CNTN4: variants seen among roughly 807,000 people sequenced by gnomAD.
CNTN4 encodes the protein contactin 4, also known as contactin-4.
In CNTN4, 77 loss-of-function variants were observed where a neutral mutation model predicts 122.5. The ratio of observed to expected loss-of-function variants is 0.63; its 90% confidence interval spans 0.52 to 0.76. The LOEUF (loss-of-function observed/expected upper bound fraction) is 0.76. Among genes scored for constraint, CNTN4 ranks in the 30% least tolerant of loss-of-function variants. The probability of loss-of-function intolerance (pLI) is 0.00; values close to 1 mark genes in which losing one functional copy is unlikely to be tolerated. For missense variants in CNTN4, 1,256 were observed against 1,259.1 expected (o/e 1.00, Z 0.04); for synonymous variants, 512 against 447.0 (o/e 1.15, Z -1.83).
At chr3:2,360,412 C>G (rs2045079450) in intron 3 of CNTN4, among the ~76,000 whole-genome samples, 1 of 152,052 alleles carries the variant, frequency 6.6e-6, no homozygotes, top group Non-Finnish European at 1.5e-5. Flanking sequence ...ACTGGAAATA[C>G]TGAAAAAATA....
chr3:2,657,879 A>G (rs2083668469), intron 4 of CNTN4, among the ~76,000 whole-genome samples: 1 of 151,544 alleles, frequency 6.6e-6, no homozygotes, highest in Non-Finnish European at 1.5e-5. Flanking sequence ...CATCAGCCAC[A>G]CTGTACCTTC....
intron 6 of CNTN4, among the ~76,000 whole-genome samples, chr3:2,777,644 A>G (rs1041354699): frequency 2.0e-5 from 3 of 152,182 alleles, no homozygotes; most frequent in African/African-American, 7.2e-5. Flanking sequence ...ATGTAACAAG[A>G]AAAATGGAGT....
chr3:3,034,282 A>G (rs533121575), intron 16 of CNTN4, among the ~76,000 whole-genome samples: 19 of 152,322 alleles, frequency 1.2e-4, no homozygotes, highest in African/African-American at 4.3e-4. Flanking sequence ...TGTCTGACCC[A>G]TATTAGGAAC....
intron 10 of CNTN4, among the ~76,000 whole-genome samples, chr3:2,890,142 G>T (rs778629209): frequency 6.6e-6 from 1 of 152,166 alleles, no homozygotes; most frequent in Non-Finnish European, 1.5e-5. Context: ...CTTGGCTATT[G>T]CATTTATGTT....
At chr3:2,240,411 A>C (rs1034161092) in intron 2 of CNTN4, among the ~76,000 whole-genome samples, 2 of 152,066 alleles carry the variant, frequency 1.3e-5, no homozygotes, top group Non-Finnish European at 2.9e-5. Flanking sequence ...TATTATTTTA[A>C]GCTCGTTTTT....
At chr3:2,238,686 G>A (rs1335571657) in intron 2 of CNTN4, 1 of 148,178 alleles carries the variant, frequency 6.7e-6, no homozygotes, top group Non-Finnish European at 1.5e-5. Flanking sequence ...ACTTACTCCT[G>A]TAAAAATGAT....
chr3:2,166,927 AAATT>A (rs1319877201), intron 2 of CNTN4, among the ~76,000 whole-genome samples: 1 of 152,208 alleles, frequency 6.6e-6, no homozygotes, highest in African/African-American at 2.4e-5. Context: ...AGTAGAGTAA[AAATT>A]TGGAAGAAAG....
intron 3 of CNTN4, among the ~76,000 whole-genome samples, chr3:2,380,537 TG>T (rs1201697237): frequency 6.6e-6 from 1 of 152,222 alleles, no homozygotes; most frequent in Non-Finnish European, 1.5e-5. Context: ...AAATTTTAAT[TG>T]GTTTATCTGA....
intron 2 of CNTN4, among the ~76,000 whole-genome samples, chr3:2,118,061 A>G (rs934043660): frequency 6.6e-6 from 1 of 152,272 alleles, no homozygotes; most frequent in Non-Finnish European, 1.5e-5. Flanking sequence ...AATTTTAATC[A>G]TAATGAGTAA....
At chr3:2,741,161 A>G (rs2089437046) in intron 5 of CNTN4, among the ~76,000 whole-genome samples, 1 of 152,210 alleles carries the variant, frequency 6.6e-6, no homozygotes, top group South Asian at 2.1e-4. Context: ...TCAAAGATTA[A>G]TCAACTCTAC....
intron 13 of CNTN4, among the ~76,000 whole-genome samples, chr3:2,961,092 T>A (rs1272354183): frequency 7.0e-6 from 1 of 142,484 alleles, no homozygotes; most frequent in Non-Finnish European, 1.5e-5. Context: ...TAGCCGGGCG[T>A]GGTGATGGGC....
chr3:2,675,659 C>G (rs1489622057), intron 4 of CNTN4, among the ~76,000 whole-genome samples: 1 of 152,166 alleles, frequency 6.6e-6, no homozygotes, highest in Non-Finnish European at 1.5e-5. Context: ...AGTAAGTACA[C>G]ATTGAATGGG....
chr3:2,113,470 AT>A (rs1171916755), intron 2 of CNTN4, among the ~76,000 whole-genome samples: 1 of 152,196 alleles, frequency 6.6e-6, no homozygotes, highest in Non-Finnish European at 1.5e-5. Context: ...GATGCACTGT[AT>A]CAGAATTTTC....
intron 3 of CNTN4, among the ~76,000 whole-genome samples, chr3:2,571,141 C>T: frequency 6.6e-6 from 1 of 152,134 alleles, no homozygotes; most frequent in Non-Finnish European, 1.5e-5. Context: ...ATTCCCCTGC[C>T]TTCAGGTTGG....
intron 3 of CNTN4, among the ~76,000 whole-genome samples, chr3:2,377,775 AT>A (rs113134614): frequency 3.7e-4 from 56 of 150,528 alleles, no homozygotes; most frequent in African/African-American, 4.6e-4. Context: ...TTTTGTGATT[AT>A]TTTTTTTTAA....
chr3:2,273,644 G>A (rs1462454556), intron 2 of CNTN4, among the ~76,000 whole-genome samples: 1 of 152,128 alleles, frequency 6.6e-6, no homozygotes, highest in Non-Finnish European at 1.5e-5. Flanking sequence ...GACTGAGCCT[G>A]CCTAGTAAAG....
intron 4 of CNTN4, among the ~76,000 whole-genome samples, chr3:2,587,992 T>C (rs2080280636): frequency 6.6e-6 from 1 of 152,148 alleles, no homozygotes; most frequent in African/African-American, 2.4e-5. Context: ...TAGGTCAGCG[T>C]TTCCCAAAAT....
chr3:2,206,827 G>A (rs1040136736), intron 2 of CNTN4, among the ~76,000 whole-genome samples: 9 of 150,656 alleles, frequency 6.0e-5, no homozygotes, highest in African/African-American at 2.2e-4. Flanking sequence ...ATACAATACA[G>A]GGATACCTCA....
chr3:2,967,004 G>T (rs1440126581), intron 13 of CNTN4, among the ~76,000 whole-genome samples: 3 of 152,132 alleles, frequency 2.0e-5, no homozygotes, highest in Non-Finnish European at 4.4e-5. Flanking sequence ...TCAAGACAGG[G>T]GAATTGCAAT....
Sources: gnomAD v4.1 joint callset for allele counts (sites outside exome capture counted in the v4.1 genomes callset) on GRCh38, gnomAD v4.1.1 for gene constraint, MANE v1.5 for transcripts, NCBI Gene and HGNC (gene_info 2026-07-23, HGNC 2026-07-21) for gene names.